The following APBB2 variants were observed in gnomAD, a reference collection of about 807,000 sequenced individuals.
The protein encoded by APBB2 is Fe65-like 1.
A neutral mutation model predicts 82.5 loss-of-function variants in APBB2; 38 were observed. The observed-to-expected ratio is 0.46, with a 90% confidence interval of 0.36 to 0.60. The LOEUF is 0.60. Among genes scored for constraint, APBB2 ranks in the 20% least tolerant of loss-of-function variants. The pLI is 0.00. For synonymous variants in APBB2, 341 were observed against 368.2 expected, an observed-to-expected ratio of 0.93 and a Z score of 0.85; for missense variants, 772 against 972.3, an observed-to-expected ratio of 0.79 and a Z score of 2.74.
At chr4:41,134,423 C>CA (rs1046157451) in intron 2 of APBB2, among the ~76,000 whole-genome samples, 21 of 151,844 alleles carry the variant, frequency 1.4e-4, no homozygotes, top group African/African-American at 3.6e-4. Context: ...ACTAAAAATA[C>CA]AAAAAAAACA....
intron 2 of APBB2, among the ~76,000 whole-genome samples, chr4:41,139,958 A>G (rs1223428403): frequency 6.6e-6 from 1 of 152,220 alleles, no homozygotes; most frequent in African/African-American, 2.4e-5. Context: ...ATACCACACT[A>G]ATGCAAGACA....
At chr4:41,087,593 T>G (rs1740217971) in intron 3 of APBB2, among the ~76,000 whole-genome samples, 1 of 151,678 alleles carries the variant, frequency 6.6e-6, no homozygotes, top group Admixed American at 6.6e-5. Context: ...CATGACTGGC[T>G]AATTTTTTTT....
intron 1 of APBB2, among the ~76,000 whole-genome samples, chr4:41,166,178 A>G (rs965341508): frequency 2.0e-5 from 3 of 151,782 alleles, no homozygotes; most frequent in African/African-American, 7.3e-5. Flanking sequence ...AAAAGTACCC[A>G]CTTTCTGCTC....
intron 12 of APBB2, among the ~76,000 whole-genome samples, chr4:40,887,046 T>A (rs1256597805): frequency 6.6e-6 from 1 of 152,154 alleles, no homozygotes; most frequent in Non-Finnish European, 1.5e-5. Flanking sequence ...TTCAGCATAG[T>A]TGTGCGACAA....
intron 6 of APBB2, among the ~76,000 whole-genome samples, chr4:41,011,909 C>A (rs1317126280): frequency 6.6e-6 from 1 of 152,138 alleles, no homozygotes. Flanking sequence ...ATCACCCAGG[C>A]TACAGGGCAA....
intron 5 of APBB2, among the ~76,000 whole-genome samples, chr4:41,029,684 T>C (rs1715907102): frequency 6.6e-6 from 1 of 151,324 alleles, no homozygotes; most frequent in South Asian, 2.1e-4. Context: ...ACAATAAACA[T>C]ATACATGTTT....
Position 41,048,188 on chromosome 4 carries a change from C to T in APBB2, c.-50-14884G>A, listed in dbSNP as rs572318846. Among the ~76,000 whole-genome samples, 14 of 152,318 alleles carry T rather than the reference C, an allele frequency of 9.2e-5. No individual in the cohort carries two copies. The South Asian group carries it at 2.7e-3, about 29-fold the overall frequency. ...CCAAAAATCTGAAATCCAAAAGGCT[C>T]CAATGAGCATTTCCTTTGAGAATCA... is the stretch of plus-strand genomic sequence containing the variant. On this transcript the variant is annotated intron_variant, in intron 4 of 17. Transcript: ENST00000508593.
intron 6 of APBB2, among the ~76,000 whole-genome samples, chr4:40,963,767 A>G (rs1196268824): frequency 1.3e-5 from 2 of 152,248 alleles, no homozygotes; most frequent in Admixed American, 6.5e-5. Context: ...GACCAAGTGC[A>G]TGGCTGTGTC....
chr4:41,113,785 T>C (rs1366374134), intron 2 of APBB2, among the ~76,000 whole-genome samples: 3 of 152,098 alleles, frequency 2.0e-5, no homozygotes, highest in African/African-American at 4.8e-5. Flanking sequence ...GCTAAAGTAT[T>C]GAGGGTTAAA....
chr4:40,922,316 C>T (rs532085129), intron 10 of APBB2, among the ~76,000 whole-genome samples: 2 of 152,344 alleles, frequency 1.3e-5, no homozygotes, highest in African/African-American at 4.8e-5. Flanking sequence ...TGATCTACTA[C>T]CCTGCTATGT....
At chr4:41,070,448 T>A (rs925481949) in intron 3 of APBB2, among the ~76,000 whole-genome samples, 1 of 152,090 alleles carries the variant, frequency 6.6e-6, no homozygotes, top group African/African-American at 2.4e-5. Flanking sequence ...TAGCTGGGAT[T>A]ACAGGCATGC....
At chr4:41,087,627 AC>A (rs1485027084) in intron 3 of APBB2, among the ~76,000 whole-genome samples, 1 of 151,470 alleles carries the variant, frequency 6.6e-6, no homozygotes, top group South Asian at 2.1e-4. Context: ...ATGGGGTTTC[AC>A]CATGACGGCC....
At chr4:41,190,410 C>T (rs1425142639) in intron 1 of APBB2, among the ~76,000 whole-genome samples, 1 of 151,862 alleles carries the variant, frequency 6.6e-6, no homozygotes, top group East Asian at 1.9e-4. Context: ...CCACCACACA[C>T]GGCTAATTTT....
At chr4:40,889,911 G>A (rs1771479477) in intron 12 of APBB2, among the ~76,000 whole-genome samples, 1 of 152,166 alleles carries the variant, frequency 6.6e-6, no homozygotes, top group South Asian at 2.1e-4. Flanking sequence ...TTAATGACCT[G>A]AGGCTTGTGA....
intron 4 of APBB2, among the ~76,000 whole-genome samples, chr4:41,062,041 AG>A (rs1290114822): frequency 6.6e-6 from 1 of 152,230 alleles, no homozygotes; most frequent in Non-Finnish European, 1.5e-5. Flanking sequence ...AGCAGGCCCC[AG>A]GTCAAATTGG....
chr4:41,147,801 G>A (rs1995735), intron 1 of APBB2, among the ~76,000 whole-genome samples: 2,007 of 152,106 alleles, frequency 0.013, 36 homozygotes, highest in African/African-American at 0.045. Flanking sequence ...CCTGATTCCA[G>A]AAATATCCAC....
chr4:40,951,831 C>T (rs1257056025), intron 6 of APBB2, among the ~76,000 whole-genome samples: 1 of 152,148 alleles, frequency 6.6e-6, no homozygotes, highest in Non-Finnish European at 1.5e-5. Flanking sequence ...ACTAAAGTCA[C>T]AATATAAGAA....
intron 10 of APBB2, among the ~76,000 whole-genome samples, chr4:40,913,299 T>C (rs28399776): frequency 0.29 from 43,556 of 152,102 alleles, 6,445 homozygotes; most frequent in Middle Eastern, 0.39. Flanking sequence ...ATGGAAAATG[T>C]AATTCTCAAA....
At chr4:40,905,324 C>T (rs1776423283) in intron 10 of APBB2, among the ~76,000 whole-genome samples, 1 of 152,118 alleles carries the variant, frequency 6.6e-6, no homozygotes, top group African/African-American at 2.4e-5. Flanking sequence ...TGGGAAACAC[C>T]CAGCGCACAC....
Sources: allele counts gnomAD v4.1 joint callset (sites outside exome capture counted in the v4.1 genomes callset), GRCh38; gene constraint gnomAD v4.1.1; transcripts MANE v1.5; gene names NCBI Gene and HGNC (gene_info 2026-07-23, HGNC 2026-07-21).